The following MAP3K5 variants were observed in gnomAD, a reference collection of about 807,000 sequenced individuals.
MAP3K5 encodes the protein ASK-1.
MAP3K5 carries 56 observed loss-of-function variants against 158.7 expected under a neutral mutation model. The observed-to-expected ratio is 0.35, with a 90% confidence interval of 0.28 to 0.44. The LOEUF (loss-of-function observed/expected upper bound fraction) is 0.44. Ranked by LOEUF, MAP3K5 falls within the 20% of genes least tolerant of loss-of-function variation. MAP3K5 has a pLI of 1.00. For missense variants in MAP3K5, 1,294 were observed against 1,674.8 expected, an observed-to-expected ratio of 0.77 and a Z score of 3.97; for synonymous variants, 579 against 601.7, an observed-to-expected ratio of 0.96 and a Z score of 0.55.
rs79811001 is a variant in MAP3K5 at position 136,728,956 on chromosome 6, G to A, written c.449-8367C>T. Among the ~76,000 whole-genome samples the A allele has an allele frequency of 3.8e-3, 472 of 125,050 alleles. 17 individuals are homozygous for A. The East Asian group carries it at 0.095, about 25-fold the overall frequency. 82.0% of individuals were successfully genotyped at this position (125,050 alleles called of 152,430 possible). On this transcript the variant is annotated intron_variant, in intron 1 of 29. Transcript: ENST00000359015. ...AAAAGGGAGAAACCTAGTGTGGAGG[G>A]AGGGACAGAACAGAAAAAAAGGGAG...
In MAP3K5 at chr6:136,651,047, C is replaced by T; in HGVS notation, c.1725G>A (p.Leu575=). 4 of 1,611,226 alleles carry T rather than the reference C, an allele frequency of 2.5e-6. No individual in the cohort carries two copies. Among genetic ancestry groups the T allele is most frequent in the Non-Finnish European group, 3.4e-6 (4 of 1,178,252 alleles). ...TTTCCTCAACTTCATTGTTGATAGA[C>T]AAATAAGAAGGTTGATAGATTTTGG... The part of the protein sequence containing the change: ...EPTKIYQPSY[L]SINNEVEEKT... The change falls in exon 11 of 30, where the codon TTG becomes TTA. Residue 575 remains leucine, a synonymous_variant. Transcript: ENST00000359015.
chr6:136,771,811 C>T (rs1784210404), intron 1 of MAP3K5, among the ~76,000 whole-genome samples: 1 of 152,222 alleles, frequency 6.6e-6, no homozygotes, highest in Admixed American at 6.5e-5. Flanking sequence ...ATCTCAACAA[C>T]CCGATATTTT....
chr6:136,767,997 TATCCACATGCAAAA>T (rs1211940190), intron 1 of MAP3K5, among the ~76,000 whole-genome samples: 7 of 152,190 alleles, frequency 4.6e-5, no homozygotes, highest in Non-Finnish European at 8.8e-5. Context: ...GACAATTAGA[TATCCACATGCAAAA>T]GAATGAAGCT....
At chr6:136,679,281 A>T (rs1349410835) in intron 7 of MAP3K5, among the ~76,000 whole-genome samples, 1 of 152,232 alleles carries the variant, frequency 6.6e-6, no homozygotes, top group Non-Finnish European at 1.5e-5. Context: ...AATAAAGGAA[A>T]TATTCTTGGA....
At chr6:136,560,591 A>C (rs1830464017) in intron 28 of MAP3K5, among the ~76,000 whole-genome samples, 1 of 152,216 alleles carries the variant, frequency 6.6e-6, no homozygotes, top group Non-Finnish European at 1.5e-5. Context: ...GATTGATTTT[A>C]TTAAGTAGCA....
Position 136,562,837 on chromosome 6 carries a change from ATTTTTT to A in MAP3K5, c.3762-228_3762-223del, listed in dbSNP as rs3040779. Among the ~76,000 whole-genome samples, 6 of 124,842 alleles carry A rather than the reference ATTTTTT, an allele frequency of 4.8e-5. No individual in the cohort carries two copies. In the Admixed American group the frequency reaches 5.5e-4, roughly 11 times the overall value. 81.9% of individuals were successfully genotyped at this position (124,842 alleles called of 152,430 possible). A position where few individuals can be genotyped will look rare whatever the true frequency, so the allele number is the denominator to read the frequency against. ...AGACATGCACCACCATGCCTGGCTA[ATTTTTT>A]TTTTTTTTTTTTTTGTAGAGACAGA... On this transcript the variant is annotated intron_variant, in intron 26 of 29. Coordinates refer to ENST00000359015, the MANE Select transcript of MAP3K5 (RefSeq NM_005923.4).
At chr6:136,766,808 G>A (rs1057500854) in intron 1 of MAP3K5, among the ~76,000 whole-genome samples, 2 of 152,082 alleles carry the variant, frequency 1.3e-5, no homozygotes, top group Admixed American at 6.5e-5. Flanking sequence ...TCACAGATAG[G>A]AATTACTTCC....
At chr6:136,778,663 T>A (rs556409608) in intron 1 of MAP3K5, among the ~76,000 whole-genome samples, 1 of 152,140 alleles carries the variant, frequency 6.6e-6, no homozygotes, top group Non-Finnish European at 1.5e-5. Context: ...AAATAGAAAA[T>A]GTATTTCTGT....
chr6:136,595,691 G>A (rs959999141), intron 21 of MAP3K5, among the ~76,000 whole-genome samples: 4 of 152,108 alleles, frequency 2.6e-5, no homozygotes, highest in African/African-American at 9.7e-5. Flanking sequence ...GATAAGGGGT[G>A]TTATTTGACA....
Position 136,726,565 on chromosome 6 carries a change from C to G in MAP3K5, c.449-5976G>C, listed in dbSNP as rs147299518. On this transcript the variant is annotated intron_variant, in intron 1 of 29. Transcript: ENST00000359015. Reference sequence around the variant, plus strand: ...CCAAGATCACATGACTGCACTCCAGCCTGGGTGACAGAGCAAGACTCTGCC... The same window carrying G: ...CCAAGATCACATGACTGCACTCCAGGCTGGGTGACAGAGCAAGACTCTGCC... Among the ~76,000 whole-genome samples, 6 of 152,178 alleles carry G rather than the reference C, an allele frequency of 3.9e-5. No individual in the cohort carries two copies. The East Asian group carries it at 1.2e-3, about 29-fold the overall frequency.
chr6:136,726,508 A>G (rs1478800840), intron 1 of MAP3K5, among the ~76,000 whole-genome samples: 2 of 152,024 alleles, frequency 1.3e-5, no homozygotes, highest in Non-Finnish European at 2.9e-5. Context: ...CACAAGCATC[A>G]CTTGAACCTT....
chr6:136,610,125 C>A (rs1216356585), intron 18 of MAP3K5, among the ~76,000 whole-genome samples: 2 of 152,012 alleles, frequency 1.3e-5, no homozygotes, highest in African/African-American at 2.4e-5. Context: ...TTTTTCTCTT[C>A]CCTTCCCCTT....
At chr6:136,698,774 A>C (rs1780720415) in intron 3 of MAP3K5, 92 bp from the exon 4 acceptor site, 1 of 835,510 alleles carries the variant, frequency 1.2e-6, no homozygotes, top group Admixed American at 2.9e-5. Flanking sequence ...AAATAATTCC[A>C]AATGCAAAGG....
chr6:136,694,338 T>A (rs752650419), intron 6 of MAP3K5, 28 bp from the exon 7 acceptor site: 2 of 1,576,544 alleles, frequency 1.3e-6, no homozygotes, highest in Admixed American at 3.4e-5. Flanking sequence ...GTTGTTTCAA[T>A]ATACATTACA....
chr6:136,590,199 C>T (rs1775321862), intron 23 of MAP3K5, among the ~76,000 whole-genome samples: 1 of 152,180 alleles, frequency 6.6e-6, no homozygotes, highest in Admixed American at 6.5e-5. Context: ...TCACCAGATG[C>T]AGATGGGCCA....
intron 1 of MAP3K5, among the ~76,000 whole-genome samples, chr6:136,749,778 T>C (rs780080147): frequency 2.0e-5 from 3 of 152,098 alleles, no homozygotes; most frequent in Non-Finnish European, 2.9e-5. Context: ...ACTGAAAGAC[T>C]GAGGGCCAGG....
In MAP3K5 at chr6:136,625,860, GTTATAAAATA is replaced by G. The variant is rs199918522; in HGVS notation, c.2017-2889_2017-2880del. Among the ~76,000 whole-genome samples, 958 of 152,152 alleles carry G rather than the reference GTTATAAAATA, an allele frequency of 6.3e-3. 8 individuals carry two copies. Among genetic ancestry groups the G allele is most frequent in the African/African-American group, 0.021 (877 of 41,522 alleles). ...ATTAAGTCAGAAATGATAGAATATA[GTTATAAAATA>G]TGTACATTTAACATAAAGATATAAA... is the stretch of plus-strand genomic sequence containing the variant. On this transcript the variant is annotated intron_variant, in intron 14 of 29. Transcript: ENST00000359015.
chr6:136,639,713 G>A, intron 12 of MAP3K5, 75 bp from the exon 13 acceptor site: 1 of 704,258 alleles, frequency 1.4e-6, no homozygotes, highest in Non-Finnish European at 2.4e-6. Context: ...AAAAAGAAAT[G>A]TTTTAAATTC....
intron 14 of MAP3K5, among the ~76,000 whole-genome samples, chr6:136,629,764 T>G (rs1280776098): frequency 1.7e-5 from 2 of 118,030 alleles, no homozygotes; most frequent in Non-Finnish European, 3.5e-5. Flanking sequence ...ATATCTCACC[T>G]TCATTTATTT....
Sources: allele counts gnomAD v4.1 joint callset (sites outside exome capture counted in the v4.1 genomes callset), GRCh38; gene constraint gnomAD v4.1.1; transcripts MANE v1.5; gene names NCBI Gene and HGNC (gene_info 2026-07-23, HGNC 2026-07-21).